Variants in NDRG3 observed in about 807,000 individuals in gnomAD.
NDRG3 encodes protein NDRG3.
Under a neutral mutation model 57.2 loss-of-function variants are expected in NDRG3, and 23 were observed. The observed-to-expected ratio is 0.40, with a 90% CI of 0.29 to 0.57. The LOEUF is 0.57. NDRG3 is among the 20% of genes least tolerant of loss of function. The pLI is 0.42. For synonymous variants in NDRG3, 132 were observed against 162.6 expected, an observed-to-expected ratio of 0.81 and a Z score of 1.43; for missense variants, 384 against 457.3, an observed-to-expected ratio of 0.84 and a Z score of 1.46.
At chr20:36,726,289 C>T (rs149878657) in intron 1 of NDRG3, among the ~76,000 whole-genome samples, 5 of 152,200 alleles carry the variant, frequency 3.3e-5, no homozygotes, top group African/African-American at 1.2e-4. Flanking sequence ...AACAAAGACA[C>T]AAATTAAATG....
At chr20:36,695,117 A>C (rs1982665132) in intron 3 of NDRG3, among the ~76,000 whole-genome samples, 2 of 152,234 alleles carry the variant, frequency 1.3e-5, no homozygotes, top group Non-Finnish European at 2.9e-5. Context: ...CAATCTCTGA[A>C]CATAAATTGT....
intron 2 of NDRG3, 112 bp downstream of exon 2, chr20:36,721,567 T>C (rs532503418): frequency 3.1e-6 from 2 of 655,692 alleles, no homozygotes; most frequent in Admixed American, 2.9e-5. Context: ...ATTCCTTTCA[T>C]TGAAAGTCAA....
At chr20:36,709,278 T>C (rs907376414) in intron 2 of NDRG3, among the ~76,000 whole-genome samples, 3 of 152,176 alleles carry the variant, frequency 2.0e-5, no homozygotes, top group Admixed American at 6.5e-5. Context: ...CACAGAACAT[T>C]TCCATGACTG....
In NDRG3 at chr20:36,733,204, G is replaced by A. The variant is rs1453404902; in HGVS notation, c.-48-11421C>T. Among the ~76,000 whole-genome samples the A allele has an allele frequency of 2.9e-3, 230 of 78,790 alleles. 1 individual carries two copies. Among genetic ancestry groups the A allele is most frequent in the African/African-American group, 8.5e-3 (196 of 23,118 alleles). 51.7% of individuals were successfully genotyped at this position (78,790 alleles called of 152,430 possible). ...TATATATATATATATATATATATATGCACATATAAATTTCTTTGTTAGTTT... is the reference window on the plus strand; with the variant it reads ...TATATATATATATATATATATATATACACATATAAATTTCTTTGTTAGTTT... On this transcript the variant is annotated intron_variant, in intron 1 of 15. Transcript: ENST00000349004.
chr20:36,696,712 C>T lies in NDRG3; in HGVS notation c.94-7928G>A, dbSNP rs188056070. ...TTCACCATGTTGGCCAGGATGGTCT[C>T]GATCCCCTGACCTCGTGATCCGCCC... On this transcript the variant is annotated intron_variant, in intron 3 of 15. Coordinates refer to ENST00000349004, the MANE Select transcript of NDRG3 (RefSeq NM_032013.4). Among the ~76,000 whole-genome samples, 21 of 150,136 alleles carry T rather than the reference C, an allele frequency of 1.4e-4. No homozygotes were observed. In the East Asian group the frequency reaches 2.8e-3, roughly 20 times the overall value.
In NDRG3 at chr20:36,652,749, G is replaced by A. The variant is rs969880911; in HGVS notation, c.*771C>T. On this transcript the variant is annotated 3_prime_UTR_variant, in exon 16 of 16. Transcript: ENST00000349004. ...CACCTTCCTGTGCTAAGAGAGTCCA[G>A]TAATTAAACCACATTCACTCCTTGG... 2.0e-5 allele frequency: 3 copies of A among 152,194 alleles called. No individual in the cohort carries two copies. The highest frequency in any genetic ancestry group is 6.5e-5 in the Admixed American group (1 of 15,274). The allele number at this position is 152,194 out of a possible 1,614,324, so 9.4% of individuals were successfully genotyped here.
intron 7 of NDRG3, 57 bp from the exon 8 acceptor site, chr20:36,680,959 A>T (rs1191979028): frequency 2.1e-6 from 3 of 1,401,208 alleles, no homozygotes; most frequent in African/African-American, 2.8e-5. Flanking sequence ...GTTCTTCTAA[A>T]CAGTTGGAAC....
intron 1 of NDRG3, among the ~76,000 whole-genome samples, chr20:36,742,288 T>A (rs1231730356): frequency 2.0e-5 from 3 of 152,196 alleles, no homozygotes; most frequent in Non-Finnish European, 2.9e-5. Context: ...TCTAAGCACA[T>A]AAATAGAATC....
At chr20:36,692,903 A>G (rs911276416) in intron 3 of NDRG3, among the ~76,000 whole-genome samples, 4 of 150,044 alleles carry the variant, frequency 2.7e-5, no homozygotes, top group Admixed American at 6.7e-5. Context: ...GCAAGACTGC[A>G]TATCTACAAA....
chr20:36,712,719 C>T (rs1983998388), intron 2 of NDRG3, among the ~76,000 whole-genome samples: 1 of 149,158 alleles, frequency 6.7e-6, no homozygotes, highest in South Asian at 2.1e-4. Context: ...CCACAGCCTC[C>T]AGAGTAGCTG....
chr20:36,724,362 C>T (rs1337858219), intron 1 of NDRG3, among the ~76,000 whole-genome samples: 3 of 152,076 alleles, frequency 2.0e-5, no homozygotes, highest in Non-Finnish European at 4.4e-5. Flanking sequence ...ATCGCAGGCA[C>T]CCATATACTT....
At chr20:36,671,601 G>A (rs138680785) in intron 8 of NDRG3, among the ~76,000 whole-genome samples, 2,614 of 152,232 alleles carry the variant, frequency 0.017, 67 homozygotes, top group African/African-American at 0.06. Context: ...AGGAGATTGA[G>A]ACCATCCTGG....
chr20:36,694,575 A>G (rs1982611811), intron 3 of NDRG3, among the ~76,000 whole-genome samples: 1 of 152,116 alleles, frequency 6.6e-6, no homozygotes, highest in Non-Finnish European at 1.5e-5. Flanking sequence ...TCCAAAATCC[A>G]TACCTTGAAA....
At chr20:36,695,599 T>C (rs112677138) in intron 3 of NDRG3, among the ~76,000 whole-genome samples, 2,772 of 152,332 alleles carry the variant, frequency 0.018, 86 homozygotes, top group African/African-American at 0.063. Context: ...AAACACGTCC[T>C]GGTCTCCTGC....
At chr20:36,683,717 T>A (rs1981533002) in intron 6 of NDRG3, among the ~76,000 whole-genome samples, 1 of 150,488 alleles carries the variant, frequency 6.6e-6, no homozygotes, top group Non-Finnish European at 1.5e-5. Flanking sequence ...CACACACATA[T>A]AAAAATATAT....
At chr20:36,724,393 AG>A (rs1171415127) in intron 1 of NDRG3, among the ~76,000 whole-genome samples, 6 of 152,176 alleles carry the variant, frequency 3.9e-5, no homozygotes, top group Non-Finnish European at 8.8e-5. Flanking sequence ...CTTAATGCCC[AG>A]AAGTTGAATC....
chr20:36,744,104 G>A (rs1986065126), intron 1 of NDRG3, among the ~76,000 whole-genome samples: 1 of 151,756 alleles, frequency 6.6e-6, no homozygotes, highest in South Asian at 2.1e-4. Flanking sequence ...GGGTTTCCCC[G>A]TATTAGCCAG....
intron 2 of NDRG3, among the ~76,000 whole-genome samples, chr20:36,721,068 G>A (rs957034966): frequency 5.3e-5 from 8 of 151,768 alleles, no homozygotes; most frequent in East Asian, 3.9e-4. Flanking sequence ...GAGCCACTGC[G>A]CCCAGCCCCA....
chr20:36,689,081 CT>C (rs1231722607), intron 3 of NDRG3, among the ~76,000 whole-genome samples: 2 of 152,178 alleles, frequency 1.3e-5, no homozygotes, highest in African/African-American at 4.8e-5. Flanking sequence ...ATAATCCCAG[CT>C]ACTCAGGAGG....
Sources: gnomAD v4.1 joint callset for allele counts (sites outside exome capture counted in the v4.1 genomes callset) on GRCh38, gnomAD v4.1.1 for gene constraint, MANE v1.5 for transcripts, NCBI Gene and HGNC (gene_info 2026-07-23, HGNC 2026-07-21) for gene names.